MTHFD1: variants seen among roughly 807,000 people sequenced by gnomAD.
MTHFD1 encodes C-1-tetrahydrofolate synthase, cytoplasmic.
MTHFD1 carries 44 observed loss-of-function variants against 110.3 expected under a neutral mutation model. The ratio of observed to expected loss-of-function variants is 0.40; its 90% confidence interval spans 0.31 to 0.51. The LOEUF is 0.51. MTHFD1 is among the 20% of genes least tolerant of loss of function. The probability of loss-of-function intolerance (pLI) is 0.60; values close to 1 mark genes in which losing one functional copy is unlikely to be tolerated. For missense variants in MTHFD1, 909 were observed against 1,173.1 expected (o/e 0.77, Z 3.29); for synonymous variants, 402 against 428.8 (o/e 0.94, Z 0.77).
intron 8 of MTHFD1, among the ~76,000 whole-genome samples, chr14:64,421,869 C>A (rs1035907575): frequency 9.2e-5 from 14 of 152,128 alleles, no homozygotes; most frequent in Admixed American, 2.0e-4. Flanking sequence ...TCGTGATCCG[C>A]CCACCTTTGC....
rs569267675 is a variant in MTHFD1 at position 64,460,011 on chromosome 14, G to C, written c.*257G>C. The C allele has an allele frequency of 2.4e-6, 3 of 1,247,110 alleles. No individual in the cohort carries two copies. Among genetic ancestry groups the C allele is most frequent in the Non-Finnish European group, 3.3e-6 (3 of 901,298 alleles). The allele number at this position is 1,247,110 out of a possible 1,614,324, so 77.3% of individuals were successfully genotyped here. A position where few individuals can be genotyped will look rare whatever the true frequency, so the allele number is the denominator to read the frequency against. Reference sequence around the variant, plus strand: ...AAAAGGAAACAAGTTTGCCATCTTGGTGTTGCAATATGAATTACAGCCTTA... The same window carrying C: ...AAAAGGAAACAAGTTTGCCATCTTGCTGTTGCAATATGAATTACAGCCTTA... On this transcript the variant is annotated 3_prime_UTR_variant, in exon 28 of 28. Transcript: ENST00000652337.
In MTHFD1 at chr14:64,442,135, C is replaced by T. The variant is rs1233332288; in HGVS notation, c.1966C>T (p.Leu656Phe). ...NSSIIADRIA[L>F]KLVGPEGFVV... ...CTCCATCATTGCAGACCGGATCGCA[C>T]TCAAGCTTGTTGGCCCAGAAGGGTT... is the stretch of plus-strand genomic sequence containing the variant. The change falls in exon 20 of 28, where the codon CTC becomes TTC. Residue 656 changes from leucine (L) to phenylalanine (F), a missense_variant. By Grantham distance (22) the Leu-to-Phe change is conservative. Transcript: ENST00000652337. 2 of 1,614,164 alleles carry T rather than the reference C, an allele frequency of 1.2e-6. No individual in the cohort carries two copies. The highest frequency in any genetic ancestry group is 1.1e-5 in the South Asian group (1 of 91,076).
In MTHFD1 at chr14:64,388,444, T is replaced by C. The variant is rs2077780447; in HGVS notation, c.17T>C (p.Ile6Thr). MAPAEILNGKEISAQI... is the reference protein window; with the variant it reads MAPAETLNGKEISAQI... ...ATAAAGGCCATGGCGCCAGCAGAAA[T>C]CCTGAACGGGAAGGAGATCTCCGCG... The change falls in exon 1 of 28, where the codon ATC becomes ACC. Residue 6 changes from isoleucine (I) to threonine (T), a missense_variant. Ile to Thr is a moderately conservative substitution (Grantham distance 89, BLOSUM62 -1). Transcript: ENST00000652337. 6.2e-7 allele frequency: 1 copy of C among 1,614,064 alleles called. No homozygotes were observed. Among genetic ancestry groups the C allele is most frequent in the Non-Finnish European group, 8.5e-7 (1 of 1,180,022 alleles).
At chr14:64,402,487 C>A (rs1431992619) in intron 2 of MTHFD1, among the ~76,000 whole-genome samples, 1 of 152,170 alleles carries the variant, frequency 6.6e-6, no homozygotes, top group African/African-American at 2.4e-5. Context: ...TCACTTTATT[C>A]ATTTTTGAGA....
intron 27 of MTHFD1, chr14:64,458,576 T>C: frequency 2.1e-6 from 1 of 481,694 alleles, no homozygotes; most frequent in Non-Finnish European, 3.8e-6. Context: ...TCCAATAAAC[T>C]ACAGAGGAAA....
At chr14:64,403,395 C>T (rs187266861) in intron 2 of MTHFD1, among the ~76,000 whole-genome samples, 1 of 152,146 alleles carries the variant, frequency 6.6e-6, no homozygotes, top group Non-Finnish European at 1.5e-5. Flanking sequence ...ATGCCTCAGC[C>T]TCTGGAGTAG....
intron 3 of MTHFD1, among the ~76,000 whole-genome samples, 169 bp from the exon 4 acceptor site, chr14:64,412,303 A>G (rs2077990892): frequency 6.6e-6 from 1 of 152,216 alleles, no homozygotes; most frequent in African/African-American, 2.4e-5. Context: ...AGTGGTGGCA[A>G]TTAACAAGTG....
chr14:64,411,974 C>T (rs2077988811), intron 3 of MTHFD1, among the ~76,000 whole-genome samples: 1 of 151,694 alleles, frequency 6.6e-6, no homozygotes, highest in Non-Finnish European at 1.5e-5. Flanking sequence ...CATAAGATAA[C>T]ATAGACAGAA....
At position 64,442,145 on chromosome 14, in the gene MTHFD1, T is replaced by A. The variant is rs200558873; in HGVS notation, c.1976T>A (p.Val659Asp). 1 of 1,614,072 alleles carries A rather than the reference T, an allele frequency of 6.2e-7. No individual in the cohort carries two copies. Among genetic ancestry groups the A allele is most frequent in the Non-Finnish European group, 8.5e-7 (1 of 1,180,028 alleles). ...IIADRIALKL[V>D]GPEGFVVTEA... Reference sequence around the variant, plus strand: ...GCAGACCGGATCGCACTCAAGCTTGTTGGCCCAGAAGGGTTTGTAGGTTAG... The same window carrying A: ...GCAGACCGGATCGCACTCAAGCTTGATGGCCCAGAAGGGTTTGTAGGTTAG... The change falls in exon 20 of 28, where the codon GTT becomes GAT. Residue 659 changes from valine to aspartate, a missense_variant. Coordinates refer to ENST00000652337, the MANE Select transcript of MTHFD1 (RefSeq NM_005956.4).
chr14:64,433,103 T>C (rs562299816), intron 15 of MTHFD1, among the ~76,000 whole-genome samples: 1 of 152,080 alleles, frequency 6.6e-6, no homozygotes, highest in Admixed American at 6.6e-5. Context: ...TTTTAATTTT[T>C]CAAAAATTTA....
intron 22 of MTHFD1, chr14:64,444,967 G>C: frequency 1.8e-6 from 1 of 547,596 alleles, no homozygotes; most frequent in Non-Finnish European, 3.3e-6. Flanking sequence ...CCCTAGACCA[G>C]TGGTTGATTC....
At chr14:64,425,403 G>T (rs1395567288) in intron 9 of MTHFD1, among the ~76,000 whole-genome samples, 7 of 151,994 alleles carry the variant, frequency 4.6e-5, no homozygotes, top group Admixed American at 3.9e-4. Flanking sequence ...GTAGAGACAG[G>T]TTTCTCCACG....
rs866214325 is a variant in MTHFD1 at position 64,406,011 on chromosome 14, G to A, written c.127-5079G>A. 7.9e-3 allele frequency among the ~76,000 whole-genome samples: 1,170 copies of A among 147,314 alleles called. 14 individuals are homozygous for A. Among genetic ancestry groups the A allele is most frequent in the African/African-American group, 0.027 (1,089 of 40,278 alleles). ...TAATTTTATATATATGTGTGTGTGT[G>A]TATATATATATATAATAATAATTAT... On this transcript the variant is annotated intron_variant, in intron 2 of 27. Transcript: ENST00000652337.
chr14:64,424,897 G>A lies in MTHFD1; in HGVS notation c.821G>A (p.Gly274Asp), dbSNP rs201470652. ...RASFITPVPG[G>D]VGPMTVAMLM... ...AGCTTCATCACTCCTGTTCCTGGCG[G>A]CGTAGGGCCCATGACAGTTGCAATG... Residue 274 changes from glycine to aspartate, a missense_variant, in exon 9 of 28, where the codon GGC becomes GAC. Coordinates refer to ENST00000652337, the MANE Select transcript of MTHFD1 (RefSeq NM_005956.4). The A allele has an allele frequency of 6.2e-6, 10 of 1,614,220 alleles. No homozygotes were observed. The highest frequency in any genetic ancestry group is 2.2e-5 in the East Asian group (1 of 44,888).
intron 4 of MTHFD1, among the ~76,000 whole-genome samples, chr14:64,413,950 C>A (rs1009898971): frequency 6.6e-6 from 1 of 152,184 alleles, no homozygotes; most frequent in African/African-American, 2.4e-5. Context: ...CCACCTTAGC[C>A]TCTTGAGCAG....
intron 4 of MTHFD1, 131 bp from the exon 5 acceptor site, chr14:64,415,227 G>T: frequency 1.3e-6 from 1 of 744,990 alleles, no homozygotes. Context: ...CAAGGGGAAG[G>T]TACATTCTGA....
intron 13 of MTHFD1, 88 bp downstream of exon 13, chr14:64,430,318 G>A: frequency 2.4e-6 from 3 of 1,252,158 alleles, no homozygotes; most frequent in Non-Finnish European, 3.5e-6. Flanking sequence ...TTTTCCCCAT[G>A]ACGGAGTCTT....
At position 64,440,109 on chromosome 14, in the gene MTHFD1, C is replaced by T; in HGVS notation, c.1675-17C>T. 1 of 1,609,834 alleles carries T rather than the reference C, an allele frequency of 6.2e-7. No homozygotes were observed. The highest frequency in any genetic ancestry group is 1.1e-5 in the South Asian group (1 of 90,788). ...TAACACAAAGTTTTTGCTAGTACCT[C>T]TTTTCCCTGCCCACAGGCCCAGTTT... On this transcript the variant is annotated splice_polypyrimidine_tract_variant and intron_variant, in intron 17 of 27. Transcript: ENST00000652337.
intron 1 of MTHFD1, among the ~76,000 whole-genome samples, chr14:64,395,723 T>C (rs2077843019): frequency 6.6e-6 from 1 of 152,170 alleles, no homozygotes. Flanking sequence ...TATTGGCATC[T>C]AGCAGTAGAG....
Sources: gnomAD v4.1 joint callset for allele counts (sites outside exome capture counted in the v4.1 genomes callset) on GRCh38, gnomAD v4.1.1 for gene constraint, MANE v1.5 for transcripts, NCBI Gene and HGNC (gene_info 2026-07-23, HGNC 2026-07-21) for gene names.